The following JARID2 variants were observed in gnomAD, a reference collection of about 807,000 sequenced individuals.
JARID2 encodes protein Jumonji.
In JARID2, 21 loss-of-function variants were observed where a neutral mutation model predicts 125.6. That is an observed-to-expected ratio of 0.17 (90% CI 0.12 to 0.24). The LOEUF (loss-of-function observed/expected upper bound fraction) is 0.24, where lower values mean the gene tolerates loss of function less well. Among genes scored for constraint, JARID2 ranks in the 10% least tolerant of loss-of-function variants. The pLI is 1.00. For synonymous variants in JARID2, 736 were observed against 661.6 expected, an observed-to-expected ratio of 1.11 and a Z score of -1.73; for missense variants, 1,303 against 1,639.6, an observed-to-expected ratio of 0.79 and a Z score of 3.55.
chr6:15,398,121 T>C (rs1192328605), intron 2 of JARID2, among the ~76,000 whole-genome samples: 2 of 152,192 alleles, frequency 1.3e-5, no homozygotes, highest in Non-Finnish European at 2.9e-5. Flanking sequence ...ATGCTATTTA[T>C]ATATGTTTAT....
chr6:15,332,532 G>C (rs1327825187), intron 1 of JARID2, among the ~76,000 whole-genome samples: 1 of 152,156 alleles, frequency 6.6e-6, no homozygotes, highest in African/African-American at 2.4e-5. Flanking sequence ...TATTTCTGAA[G>C]GAATATTTAT....
chr6:15,404,924 G>T (rs1765587978), intron 2 of JARID2, among the ~76,000 whole-genome samples: 1 of 152,096 alleles, frequency 6.6e-6, no homozygotes, highest in Admixed American at 6.5e-5. Context: ...GAGAGGACTG[G>T]TAAAACTTCT....
chr6:15,387,281 C>G (rs895838326), intron 2 of JARID2, among the ~76,000 whole-genome samples: 1 of 152,122 alleles, frequency 6.6e-6, no homozygotes, highest in Non-Finnish European at 1.5e-5. Flanking sequence ...CATATTCTTG[C>G]GGCTGTGGTG....
chr6:15,446,545 A>G (rs1314977919), intron 3 of JARID2, among the ~76,000 whole-genome samples: 1 of 152,210 alleles, frequency 6.6e-6, no homozygotes, highest in Non-Finnish European at 1.5e-5. Flanking sequence ...TGTTTGGAGT[A>G]AGCAAGATCC....
At position 15,319,491 on chromosome 6, in the gene JARID2, G is replaced by A. The variant is rs896317730; in HGVS notation, c.46-54626G>A. Among the ~76,000 whole-genome samples the A allele has an allele frequency of 3.9e-5, 6 of 152,090 alleles. No homozygotes were observed. The East Asian group carries it at 5.8e-4, about 15-fold the overall frequency. On this transcript the variant is annotated intron_variant, in intron 1 of 17. Transcript: ENST00000341776. Reference sequence around the variant, plus strand: ...CAGCTCATTGCAACCTCTGCCTCCCGTGTTCAAGCGATTCTTGTGCCCCAG... The same window carrying A: ...CAGCTCATTGCAACCTCTGCCTCCCATGTTCAAGCGATTCTTGTGCCCCAG...
chr6:15,289,550 GT>G, intron 1 of JARID2, among the ~76,000 whole-genome samples: 1 of 144,016 alleles, frequency 6.9e-6, no homozygotes, highest in Admixed American at 6.7e-5. Flanking sequence ...TCTTTAAATT[GT>G]AAAAAAAAAA....
intron 1 of JARID2, among the ~76,000 whole-genome samples, chr6:15,290,629 T>TC (rs1011237927): frequency 6.6e-5 from 10 of 151,846 alleles, no homozygotes; most frequent in South Asian, 4.2e-4. Context: ...GATGTTTTTT[T>TC]CCCCCCCAAG....
chr6:15,252,421 C>T (rs1017677507), intron 1 of JARID2, among the ~76,000 whole-genome samples: 1 of 152,008 alleles, frequency 6.6e-6, no homozygotes, highest in Non-Finnish European at 1.5e-5. Flanking sequence ...AGCCTTAATC[C>T]CCGCATGCTA....
intron 1 of JARID2, among the ~76,000 whole-genome samples, chr6:15,294,487 C>T (rs1761337338): frequency 6.6e-6 from 1 of 152,150 alleles, no homozygotes; most frequent in Admixed American, 6.5e-5. Context: ...CATTGCAGTG[C>T]CTTTTAAAGG....
chr6:15,519,861 C>T (rs550866336), intron 17 of JARID2, among the ~76,000 whole-genome samples: 6 of 152,154 alleles, frequency 3.9e-5, no homozygotes, highest in South Asian at 2.1e-4. Context: ...GAGGATGAAA[C>T]GGCCATGCCT....
chr6:15,501,328 C>T lies in JARID2; in HGVS notation c.2367C>T (p.Leu789=). Residue 789 remains leucine (L), a synonymous_variant, in exon 8 of 18, where the codon CTC becomes CTT. Coordinates refer to ENST00000341776, the MANE Select transcript of JARID2 (RefSeq NM_004973.4). ...AGTTGAAGACTGGCCGGCGGCGACTCTTCGCTCAGGAAAAAGAAGTGGTCA... is the reference window on the plus strand; with the variant it reads ...AGTTGAAGACTGGCCGGCGGCGACTTTTCGCTCAGGAAAAAGAAGTGGTCA... ...QAQLKTGRRR[L]FAQEKEVVKE... The T allele has an allele frequency of 6.2e-7, 1 of 1,606,764 alleles. No individual in the cohort carries two copies. Among genetic ancestry groups the T allele is most frequent in the Non-Finnish European group, 8.5e-7 (1 of 1,176,160 alleles).
At chr6:15,471,451 C>T (rs1769073084) in intron 5 of JARID2, among the ~76,000 whole-genome samples, 1 of 152,152 alleles carries the variant, frequency 6.6e-6, no homozygotes, top group Non-Finnish European at 1.5e-5. Flanking sequence ...CTGTTGTCTT[C>T]TGCATGGCTG....
chr6:15,363,585 A>G (rs1259177814), intron 1 of JARID2, among the ~76,000 whole-genome samples: 1 of 152,198 alleles, frequency 6.6e-6, no homozygotes, highest in Non-Finnish European at 1.5e-5. Flanking sequence ...TGTCTCAGGA[A>G]CATAAAAGGC....
chr6:15,488,346 C>G (rs533012459), intron 6 of JARID2, among the ~76,000 whole-genome samples: 1 of 152,234 alleles, frequency 6.6e-6, no homozygotes, highest in Non-Finnish European at 1.5e-5. Flanking sequence ...GGCTTGTCCC[C>G]GGACAGGTGG....
intron 3 of JARID2, among the ~76,000 whole-genome samples, chr6:15,420,093 T>C (rs1056661377): frequency 2.6e-5 from 4 of 152,186 alleles, no homozygotes; most frequent in South Asian, 2.1e-4. Context: ...ATTGAATATA[T>C]CTTTTATCTC....
At chr6:15,343,290 T>TA (rs5874510) in intron 1 of JARID2, among the ~76,000 whole-genome samples, 2,277 of 138,706 alleles carry the variant, frequency 0.016, 30 homozygotes, top group South Asian at 0.05. Context: ...GTTAAGGATT[T>TA]AAAAAAAAAA....
At chr6:15,305,276 T>C (rs1333906364) in intron 1 of JARID2, among the ~76,000 whole-genome samples, 3 of 152,106 alleles carry the variant, frequency 2.0e-5, no homozygotes, top group Non-Finnish European at 4.4e-5. Context: ...CCCTCCTTTA[T>C]GTAGCGTAAT....
chr6:15,379,098 G>C (rs1044456257), intron 2 of JARID2, among the ~76,000 whole-genome samples: 1 of 151,994 alleles, frequency 6.6e-6, no homozygotes, highest in Admixed American at 6.6e-5. Flanking sequence ...GAGACACGTC[G>C]TTTTTCATGT....
chr6:15,298,523 T>G (rs1429628026), intron 1 of JARID2, among the ~76,000 whole-genome samples: 3 of 151,336 alleles, frequency 2.0e-5, no homozygotes, highest in Non-Finnish European at 4.4e-5. Flanking sequence ...CTAGGAAAAA[T>G]ACAAAAATTA....
Sources: gnomAD v4.1 joint callset for allele counts (sites outside exome capture counted in the v4.1 genomes callset) on GRCh38, gnomAD v4.1.1 for gene constraint, MANE v1.5 for transcripts, NCBI Gene and HGNC (gene_info 2026-07-23, HGNC 2026-07-21) for gene names.